KCNAB2: variants seen among roughly 807,000 people sequenced by gnomAD.
KCNAB2 encodes the protein voltage-gated potassium channel subunit beta-2.
KCNAB2 carries 29 observed loss-of-function variants against 63.6 expected under a neutral mutation model. That is an observed-to-expected ratio of 0.46 (90% confidence interval 0.34 to 0.62). KCNAB2 has a LOEUF of 0.62. Ranked by LOEUF, KCNAB2 falls within the 20% of genes least tolerant of loss-of-function variation. KCNAB2 has a pLI of 0.01. For synonymous variants in KCNAB2, 222 were observed against 224.2 expected (o/e 0.99, Z 0.09); for missense variants, 359 against 563.9 (o/e 0.64, Z 3.68).
In KCNAB2 at chr1:6,099,647, C is replaced by T. The variant is rs1428264785; in HGVS notation, c.*1073C>T. ...TGGTGGGCTTGGGTTTTGTGGAGCGCATGCTTGGACCCTTTCAGTAAGGAA... is the reference window on the plus strand; with the variant it reads ...TGGTGGGCTTGGGTTTTGTGGAGCGTATGCTTGGACCCTTTCAGTAAGGAA... On this transcript the variant is annotated 3_prime_UTR_variant, in exon 16 of 16. Coordinates refer to ENST00000378083, the MANE Select transcript of KCNAB2 (RefSeq NM_001199862.2). 1.9e-6 allele frequency: 2 copies of T among 1,064,518 alleles called. No homozygotes were observed. The highest frequency in any genetic ancestry group is 2.6e-6 in the Non-Finnish European group (2 of 773,720). 65.9% of individuals were successfully genotyped at this position (1,064,518 alleles called of 1,614,324 possible).
rs147604825 is a variant in KCNAB2, at chr1:6,084,751, G to T, written c.381-453G>T. Among the ~76,000 whole-genome samples, 1,476 of 149,598 alleles carry T rather than the reference G, an allele frequency of 9.9e-3. 15 individuals are homozygous for T. Among genetic ancestry groups the T allele is most frequent in the African/African-American group, 0.034 (1,383 of 40,436 alleles). ...GAACTGCTTGAACCCAGGAGGCAGAGGTTGCAGAGAGCCGAGATCTCGCCA... is the reference window on the plus strand; with the variant it reads ...GAACTGCTTGAACCCAGGAGGCAGATGTTGCAGAGAGCCGAGATCTCGCCA... On this transcript the variant is annotated intron_variant, in intron 5 of 15. Transcript: ENST00000378083.
chr1:6,008,083 C>T (rs1002806044), intron 1 of KCNAB2, among the ~76,000 whole-genome samples: 2 of 152,202 alleles, frequency 1.3e-5, no homozygotes, highest in Non-Finnish European at 2.9e-5. Flanking sequence ...CATCCCCTCA[C>T]CTGCACCAAT....
Position 6,096,130 on chromosome 1 carries a change from T to A in KCNAB2, c.948+506T>A, listed in dbSNP as rs985999206. On this transcript the variant is annotated intron_variant, in intron 13 of 15. Coordinates refer to ENST00000378083, the MANE Select transcript of KCNAB2 (RefSeq NM_001199862.2). The surrounding 1 kb of genome is among the most constrained non-coding windows in gnomAD (Gnocchi z 5.9). ...AAGAAAGTCTGCCCAGCCAGCAGTC[T>A]CAGCACTGGGGCCCACAGCCCTGGG... 2 of 457,134 alleles carry A rather than the reference T, an allele frequency of 4.4e-6. No individual in the cohort carries two copies. Among genetic ancestry groups the A allele is most frequent in the African/African-American group, 2.0e-5 (1 of 50,010 alleles). 28.3% of individuals were successfully genotyped at this position (457,134 alleles called of 1,614,324 possible).
At chr1:6,066,757 G>A (rs1169578054) in intron 2 of KCNAB2, among the ~76,000 whole-genome samples, 1 of 152,238 alleles carries the variant, frequency 6.6e-6, no homozygotes, top group South Asian at 2.1e-4. Context: ...GGTGAACCCT[G>A]TGATGGAATG....
chr1:6,046,081 T>C lies in KCNAB2; in HGVS notation c.-129T>C, dbSNP rs1230530682. 1.0e-6 allele frequency: 1 copy of C among 985,252 alleles called. No homozygotes were observed. The highest frequency in any genetic ancestry group is 1.2e-6 in the Non-Finnish European group (1 of 829,926). The allele number at this position is 985,252 out of a possible 1,614,324, so 61.0% of individuals were successfully genotyped here. A position where few individuals can be genotyped will look rare whatever the true frequency, so the allele number is the denominator to read the frequency against. ...TGCTTCTGACGTCCTGCAGTGACACTCCCTAATGAAAAAGCCGCTGTGCCA... is the reference window on the plus strand; with the variant it reads ...TGCTTCTGACGTCCTGCAGTGACACCCCCTAATGAAAAAGCCGCTGTGCCA... On this transcript the variant is annotated 5_prime_UTR_variant, in exon 1 of 16. Transcript: ENST00000378083.
chr1:6,093,948 CA>C (rs1210515027), intron 10 of KCNAB2, among the ~76,000 whole-genome samples: 1 of 152,216 alleles, frequency 6.6e-6, no homozygotes, highest in Non-Finnish European at 1.5e-5. Flanking sequence ...ACCAGAAACG[CA>C]AAAACACATG....
Position 6,099,188 on chromosome 1 carries a change from G to A in KCNAB2, c.*614G>A, listed in dbSNP as rs1665874019. 6.5e-6 allele frequency: 1 copy of A among 152,944 alleles called. No individual in the cohort carries two copies. Among genetic ancestry groups the A allele is most frequent in the Admixed American group, 6.5e-5 (1 of 15,344 alleles). 9.5% of individuals were successfully genotyped at this position (152,944 alleles called of 1,614,324 possible). ...TTTTCTGCTCCAACCTGCCCCACTG[G>A]GTCCCGGCAGGGGCCATGCCTACCA... is the stretch of plus-strand genomic sequence containing the variant. On this transcript the variant is annotated 3_prime_UTR_variant, in exon 16 of 16. Coordinates refer to ENST00000378083, the MANE Select transcript of KCNAB2 (RefSeq NM_001199862.2).
At chr1:6,039,494 C>T (rs531551503) in intron 1 of KCNAB2, among the ~76,000 whole-genome samples, 12 of 152,194 alleles carry the variant, frequency 7.9e-5, no homozygotes, top group Non-Finnish European at 1.2e-4. Context: ...TGTGGGTGGA[C>T]GGCTGGATAT....
At chr1:6,004,937 A>G (rs113099830) in intron 1 of KCNAB2, among the ~76,000 whole-genome samples, 4,382 of 121,620 alleles carry the variant, frequency 0.036, 143 homozygotes, top group African/African-American at 0.069. Context: ...CTGAGGGGTG[A>G]GGGTGGAGTG....
intron 1 of KCNAB2, among the ~76,000 whole-genome samples, chr1:6,004,232 T>G (rs567661204): frequency 7.9e-5 from 12 of 151,984 alleles, no homozygotes; most frequent in East Asian, 1.9e-4. Context: ...AGAGGGTTTT[T>G]TTTTTTTTTT....
intron 1 of KCNAB2, 93 bp downstream of exon 1, chr1:6,046,276 T>C (rs1660916338): frequency 1.1e-6 from 1 of 885,446 alleles, no homozygotes; most frequent in African/African-American, 1.8e-5. Context: ...GAGACCATAT[T>C]TTGGGGTGGT....
intron 4 of KCNAB2, among the ~76,000 whole-genome samples, chr1:6,080,169 G>A (rs1360715123): frequency 6.6e-6 from 1 of 152,202 alleles, no homozygotes; most frequent in African/African-American, 2.4e-5. Flanking sequence ...GCCCCTTCGG[G>A]GCCCAGCGCA....
chr1:6,076,007 C>T (rs1484711258), intron 4 of KCNAB2, among the ~76,000 whole-genome samples: 1 of 152,240 alleles, frequency 6.6e-6, no homozygotes, highest in African/African-American at 2.4e-5. Flanking sequence ...GCTGCTTTCA[C>T]TCCACAAGGG....
chr1:6,012,018 G>T (rs1206233860), intron 1 of KCNAB2, among the ~76,000 whole-genome samples: 1 of 152,050 alleles, frequency 6.6e-6, no homozygotes, highest in Non-Finnish European at 1.5e-5. Context: ...GGTGGTAGAG[G>T]TGGAGGTGAT....
intron 1 of KCNAB2, among the ~76,000 whole-genome samples, chr1:6,037,865 T>G (rs1660171994): frequency 6.8e-6 from 1 of 147,280 alleles, no homozygotes; most frequent in Admixed American, 6.8e-5. Context: ...CTGGCCTGAA[T>G]GAGGGTCTTT....
rs980345232 is a variant in KCNAB2 at position 6,078,887 on chromosome 1, G to A, written c.301-3308G>A. On this transcript the variant is annotated intron_variant, in intron 4 of 15. Coordinates refer to ENST00000378083, the MANE Select transcript of KCNAB2 (RefSeq NM_001199862.2). The surrounding 1 kb of genome is among the most constrained non-coding windows in gnomAD (Gnocchi z 4.2). ...GATGCTGGCCCATGGACCACGCTTTGCCTGGGGAAGGTGCAGGGAGAGAGG... is the reference window on the plus strand; with the variant it reads ...GATGCTGGCCCATGGACCACGCTTTACCTGGGGAAGGTGCAGGGAGAGAGG... Among the ~76,000 whole-genome samples the A allele has an allele frequency of 1.3e-5, 2 of 152,184 alleles. No individual in the cohort carries two copies. The highest frequency in any genetic ancestry group is 6.5e-5 in the Admixed American group (1 of 15,274).
At chr1:6,009,439 GCA>G (rs1557928352) in intron 1 of KCNAB2, among the ~76,000 whole-genome samples, 1 of 152,182 alleles carries the variant, frequency 6.6e-6, no homozygotes, top group Non-Finnish European at 1.5e-5. Flanking sequence ...GCACACACCT[GCA>G]CACACACCTT....
intron 2 of KCNAB2, among the ~76,000 whole-genome samples, chr1:6,055,039 G>A (rs1437394768): frequency 6.6e-6 from 1 of 152,168 alleles, no homozygotes; most frequent in Non-Finnish European, 1.5e-5. Flanking sequence ...CCCAACAGGA[G>A]CCACGAGATG....
Position 6,100,093 on chromosome 1 carries a change from C to G in KCNAB2, c.*1519C>G. 2.1e-6 allele frequency: 3 copies of G among 1,449,318 alleles called. No individual in the cohort carries two copies. Among genetic ancestry groups the G allele is most frequent in the Non-Finnish European group, 2.7e-6 (3 of 1,098,906 alleles). The allele number at this position is 1,449,318 out of a possible 1,614,324, so 89.8% of individuals were successfully genotyped here. On this transcript the variant is annotated 3_prime_UTR_variant, in exon 16 of 16. Coordinates refer to ENST00000378083, the MANE Select transcript of KCNAB2 (RefSeq NM_001199862.2). ...AGGCACCTCTGTTCCCGCTTTGCCC[C>G]TGGAGGAGCCACTATTCCAGAAGGC...
Sources: allele counts gnomAD v4.1 joint callset (sites outside exome capture counted in the v4.1 genomes callset), GRCh38; gene constraint gnomAD v4.1.1; non-coding constraint Gnocchi (gnomAD v3.1); transcripts MANE v1.5; gene names NCBI Gene and HGNC (gene_info 2026-07-23, HGNC 2026-07-21).